The following RSRC1 variants were observed in gnomAD, a reference collection of about 807,000 sequenced individuals.
The protein encoded by RSRC1 is arginine and serine rich coiled-coil 1.
In RSRC1, 39 loss-of-function variants were observed where a neutral mutation model predicts 49.1. That is an observed-to-expected ratio of 0.79 (90% CI 0.61 to 1.04). RSRC1 has a LOEUF of 1.04. RSRC1 is among the 50% of genes least tolerant of loss of function. RSRC1 has a pLI of 0.00. For missense variants in RSRC1, 388 were observed against 402.4 expected (o/e 0.96, Z 0.31); for synonymous variants, 143 against 130.8 (o/e 1.09, Z -0.63).
chr3:158,161,324 G>A (rs1203085982), intron 3 of RSRC1, among the ~76,000 whole-genome samples: 2 of 152,020 alleles, frequency 1.3e-5, no homozygotes. Flanking sequence ...ACTCAAAACA[G>A]GTTTTTCTTA....
intron 7 of RSRC1, among the ~76,000 whole-genome samples, chr3:158,514,866 A>G (rs1392742287): frequency 6.6e-6 from 1 of 152,186 alleles, no homozygotes; most frequent in African/African-American, 2.4e-5. Flanking sequence ...CTTTACCATT[A>G]TGTAATGGCC....
At chr3:158,386,624 TG>T (rs1389453450) in intron 6 of RSRC1, among the ~76,000 whole-genome samples, 8 of 152,092 alleles carry the variant, frequency 5.3e-5, no homozygotes, top group Middle Eastern at 3.4e-3. Flanking sequence ...TAATTTGTAT[TG>T]GGGGGAAAAG....
chr3:158,203,104 G>C lies in RSRC1; in HGVS notation c.353G>C (p.Ser118Thr). 6.2e-7 allele frequency: 1 copy of C among 1,613,610 alleles called. No individual in the cohort carries two copies. The highest frequency in any genetic ancestry group is 8.5e-7 in the Non-Finnish European group (1 of 1,179,728). The stretch of plus-strand genomic sequence containing the variant: ...TCAAGACCTCGTCTCCGTTCTCATA[G>C]TCGTAGCAGTGAAAGGTCCAGTCAC... Reference protein sequence around the residue: ...SRSRPRLRSHSRSSERSSHRR... With the variant: ...SRSRPRLRSHTRSSERSSHRR... The change falls in exon 4 of 10, where the codon AGT becomes ACT. Residue 118 changes from serine (S) to threonine (T), a missense_variant. Coordinates refer to ENST00000611884, the MANE Select transcript of RSRC1 (RefSeq NM_001271838.2).
Position 158,495,824 on chromosome 3 carries a change from G to A in RSRC1, c.652+34821G>A, listed in dbSNP as rs745936129. Among the ~76,000 whole-genome samples, 41 of 152,222 alleles carry A rather than the reference G, an allele frequency of 2.7e-4. 1 individual carries two copies. Among genetic ancestry groups the A allele is most frequent in the Non-Finnish European group, 5.0e-4 (34 of 68,036 alleles). On this transcript the variant is annotated intron_variant, in intron 7 of 9. Coordinates refer to ENST00000611884, the MANE Select transcript of RSRC1 (RefSeq NM_001271838.2). ...TGGCTGCGTTTGTGCTGCAACAGCA[G>A]AATTGAATAGTTGTGACAGAGACTT...
chr3:158,370,370 TACA>T (rs1731999734), intron 6 of RSRC1, among the ~76,000 whole-genome samples: 1 of 152,008 alleles, frequency 6.6e-6, no homozygotes, highest in Non-Finnish European at 1.5e-5. Flanking sequence ...AAAGAACCTT[TACA>T]TTACTCCAGA....
intron 3 of RSRC1, among the ~76,000 whole-genome samples, chr3:158,198,887 C>G (rs936253021): frequency 6.6e-6 from 1 of 152,094 alleles, no homozygotes; most frequent in Non-Finnish European, 1.5e-5. Context: ...ATTAAGTGAA[C>G]CCATTAGAGA....
At chr3:158,359,320 T>C (rs1731344772) in intron 6 of RSRC1, among the ~76,000 whole-genome samples, 1 of 152,202 alleles carries the variant, frequency 6.6e-6, no homozygotes, top group African/African-American at 2.4e-5. Context: ...AACTGCCATG[T>C]TGGACTGTTA....
chr3:158,447,458 A>G (rs188221183), intron 6 of RSRC1, among the ~76,000 whole-genome samples: 2 of 152,168 alleles, frequency 1.3e-5, no homozygotes, highest in Admixed American at 6.6e-5. Flanking sequence ...TAAATTAACT[A>G]TAATTAGAAA....
intron 7 of RSRC1, among the ~76,000 whole-genome samples, chr3:158,516,500 A>C (rs1740544846): frequency 6.6e-6 from 1 of 152,162 alleles, no homozygotes; most frequent in Admixed American, 6.5e-5. Flanking sequence ...CTCTCTTCAA[A>C]GCTGTCAGAC....
chr3:158,156,078 A>G (rs890528511), intron 3 of RSRC1, among the ~76,000 whole-genome samples: 4 of 152,184 alleles, frequency 2.6e-5, no homozygotes, highest in African/African-American at 7.2e-5. Flanking sequence ...TTTTGTCTGC[A>G]TTGAAAATCT....
In RSRC1 at chr3:158,238,207, G is replaced by T. The variant is rs539870532; in HGVS notation, c.494+34962G>T. ...GGAGAACTACAAACCACTGCTCAAC[G>T]AAATAAAAGAGGACACAAACAAATG... On this transcript the variant is annotated intron_variant, in intron 4 of 9. Coordinates refer to ENST00000611884, the MANE Select transcript of RSRC1 (RefSeq NM_001271838.2). Among the ~76,000 whole-genome samples the T allele has an allele frequency of 6.1e-4, 93 of 152,244 alleles. 1 individual carries two copies. In the South Asian group the frequency reaches 0.019, roughly 31 times the overall value.
chr3:158,459,291 A>G (rs949506368), intron 6 of RSRC1, among the ~76,000 whole-genome samples: 1 of 152,184 alleles, frequency 6.6e-6, no homozygotes, highest in Non-Finnish European at 1.5e-5. Context: ...ATAAACTAGC[A>G]TAGTGAAATA....
At chr3:158,397,223 A>G (rs779403971) in intron 6 of RSRC1, among the ~76,000 whole-genome samples, 24 of 152,326 alleles carry the variant, frequency 1.6e-4, no homozygotes, top group Middle Eastern at 3.4e-3. Flanking sequence ...TTTGTTTACA[A>G]TTGGTTGTTT....
intron 3 of RSRC1, among the ~76,000 whole-genome samples, chr3:158,188,444 T>G (rs1315160062): frequency 6.6e-6 from 1 of 151,958 alleles, no homozygotes; most frequent in Non-Finnish European, 1.5e-5. Flanking sequence ...CTCTGTCTCC[T>G]TAGCTCAACA....
At chr3:158,439,889 T>C (rs1736286004) in intron 6 of RSRC1, among the ~76,000 whole-genome samples, 1 of 152,092 alleles carries the variant, frequency 6.6e-6, no homozygotes. Context: ...CAAGAGCAAC[T>C]AGCTCTGTCT....
chr3:158,194,141 T>G (rs2108267018), intron 3 of RSRC1, among the ~76,000 whole-genome samples: 2 of 150,830 alleles, frequency 1.3e-5, no homozygotes, highest in South Asian at 4.2e-4. Context: ...ACAGCTGTAG[T>G]CCCACATCTG....
At chr3:158,542,971 A>G (rs1410756376) in intron 8 of RSRC1, among the ~76,000 whole-genome samples, 1 of 152,158 alleles carries the variant, frequency 6.6e-6, no homozygotes, top group Non-Finnish European at 1.5e-5. Flanking sequence ...GTATATTTCA[A>G]TAGTATAGGC....
At chr3:158,121,895 C>T (rs1715283390) in intron 1 of RSRC1, among the ~76,000 whole-genome samples, 3 of 152,082 alleles carry the variant, frequency 2.0e-5, no homozygotes, top group South Asian at 4.1e-4. Flanking sequence ...AGTCCCAGCA[C>T]TTTGGAAGGC....
At chr3:158,143,417 G>C (rs1716871166) in intron 3 of RSRC1, among the ~76,000 whole-genome samples, 1 of 152,136 alleles carries the variant, frequency 6.6e-6, no homozygotes, top group Non-Finnish European at 1.5e-5. Context: ...GAGATAGCAT[G>C]ATGTGGTTCT....
Sources: allele counts gnomAD v4.1 joint callset (sites outside exome capture counted in the v4.1 genomes callset), GRCh38; gene constraint gnomAD v4.1.1; transcripts MANE v1.5; gene names NCBI Gene and HGNC (gene_info 2026-07-23, HGNC 2026-07-21).